The following NCOR1 variants were observed in gnomAD, a reference collection of about 807,000 sequenced individuals.
The protein encoded by NCOR1 is protein phosphatase 1, regulatory subunit 109.
In NCOR1, 63 loss-of-function variants were observed where a neutral mutation model predicts 288.1. The ratio of observed to expected loss-of-function variants is 0.22; its 90% CI spans 0.18 to 0.27. The LOEUF is 0.27. NCOR1 is among the 10% of genes least tolerant of loss of function. The pLI, the probability that NCOR1 is intolerant of heterozygous loss-of-function variation, is 1.00. For synonymous variants in NCOR1, 1,007 were observed against 1,065.9 expected, an observed-to-expected ratio of 0.94 and a Z score of 1.08; for missense variants, 2,397 against 3,019.2, an observed-to-expected ratio of 0.79 and a Z score of 4.83.
intron 44 of NCOR1, among the ~76,000 whole-genome samples, chr17:16,035,600 A>G (rs1032536403): frequency 3.3e-5 from 5 of 150,236 alleles, no homozygotes; most frequent in African/African-American, 1.2e-4. Flanking sequence ...CAGTGGCACA[A>G]TCACGGCTTA....
intron 42 of NCOR1, among the ~76,000 whole-genome samples, chr17:16,042,826 A>T (rs1452085167): frequency 6.6e-6 from 1 of 152,224 alleles, no homozygotes; most frequent in Non-Finnish European, 1.5e-5. Flanking sequence ...AGGAGCCAGT[A>T]AGTTAGTCAA....
intron 3 of NCOR1, among the ~76,000 whole-genome samples, chr17:16,176,588 A>G (rs1021614314): frequency 6.6e-6 from 1 of 150,586 alleles, no homozygotes; most frequent in Non-Finnish European, 1.5e-5. Flanking sequence ...TTTAGATGCT[A>G]TAATTGCTCA....
At chr17:16,212,315 T>G (rs1472205303) in intron 1 of NCOR1, among the ~76,000 whole-genome samples, 2 of 152,124 alleles carry the variant, frequency 1.3e-5, no homozygotes, top group African/African-American at 4.8e-5. Context: ...CTGAGTTATT[T>G]GTGAATATAA....
intron 5 of NCOR1, among the ~76,000 whole-genome samples, chr17:16,163,221 A>G (rs2081243675): frequency 6.6e-6 from 1 of 152,194 alleles, no homozygotes; most frequent in South Asian, 2.1e-4. Flanking sequence ...TACTACCAGG[A>G]AAGTGAAAAG....
intron 42 of NCOR1, among the ~76,000 whole-genome samples, chr17:16,042,003 G>A (rs890536608): frequency 1.3e-5 from 2 of 152,112 alleles, no homozygotes; most frequent in Non-Finnish European, 2.9e-5. Context: ...CAAAGTGCTG[G>A]GATTACAGGT....
At chr17:16,059,118 G>A (rs1396900165) in intron 37 of NCOR1, among the ~76,000 whole-genome samples, 1 of 144,642 alleles carries the variant, frequency 6.9e-6, no homozygotes, top group Non-Finnish European at 1.5e-5. Context: ...GAATGAGGCA[G>A]AACAGAGAAC....
chr17:16,127,178 T>C lies in NCOR1; in HGVS notation c.1510-972A>G, dbSNP rs1459705971. Among the ~76,000 whole-genome samples the C allele has an allele frequency of 2.8e-5, 4 of 143,972 alleles. No individual in the cohort carries two copies. The East Asian group carries it at 7.8e-4, about 28-fold the overall frequency. The allele number at this position is 143,972 out of a possible 152,430, so 94.5% of individuals were successfully genotyped here. ...CTGTATGTATATATACATGTATGTA[T>C]ATATCTGTATGTATATATACATGTA... On this transcript the variant is annotated intron_variant, in intron 14 of 45. Transcript: ENST00000268712.
At chr17:16,101,068 T>TA (rs1267339747) in intron 20 of NCOR1, among the ~76,000 whole-genome samples, 182 bp downstream of exon 20, 18 of 152,244 alleles carry the variant, frequency 1.2e-4, no homozygotes, top group Non-Finnish European at 1.9e-4. Flanking sequence ...TTCATTAAAA[T>TA]GATCATACAA....
At chr17:16,082,232 G>C (rs1351658087) in intron 23 of NCOR1, among the ~76,000 whole-genome samples, 1 of 152,130 alleles carries the variant, frequency 6.6e-6, no homozygotes, top group East Asian at 1.9e-4. Flanking sequence ...AAGTTCCAGA[G>C]TTGCTACATT....
At chr17:16,074,305 T>C (rs1249118964) in intron 27 of NCOR1, among the ~76,000 whole-genome samples, 2 of 152,198 alleles carry the variant, frequency 1.3e-5, no homozygotes, top group East Asian at 1.9e-4. Flanking sequence ...ACTTTGAATA[T>C]GGGTGAGACT....
chr17:16,061,266 A>C, intron 37 of NCOR1, 135 bp downstream of exon 37: 1 of 1,089,314 alleles, frequency 9.2e-7, no homozygotes, highest in Non-Finnish European at 1.3e-6. Flanking sequence ...TAAAAACAGC[A>C]GAAGATACAT....
At chr17:16,032,949 A>T (rs527293998) in intron 45 of NCOR1, among the ~76,000 whole-genome samples, 1 of 152,334 alleles carries the variant, frequency 6.6e-6, no homozygotes, top group African/African-American at 2.4e-5. Context: ...GGCAGATTTT[A>T]AAGTCTACAA....
chr17:16,068,861 G>A (rs549306837), intron 31 of NCOR1, among the ~76,000 whole-genome samples: 18 of 151,848 alleles, frequency 1.2e-4, no homozygotes, highest in East Asian at 5.8e-4. Context: ...CTACAGGAGC[G>A]CGCCACCATG....
chr17:16,145,944 T>C (rs1026945997), intron 10 of NCOR1, among the ~76,000 whole-genome samples: 9 of 152,204 alleles, frequency 5.9e-5, no homozygotes, highest in Non-Finnish European at 1.2e-4. Context: ...CATTTTGTTC[T>C]GTACTAAGAA....
At chr17:16,039,391 T>C (rs893762117) in intron 44 of NCOR1, 42 bp downstream of exon 44, 5 of 1,585,106 alleles carry the variant, frequency 3.2e-6, no homozygotes, top group Admixed American at 3.4e-5. Context: ...ACTGGCTTTT[T>C]TGGGGAAAAG....
intron 27 of NCOR1, 55 bp downstream of exon 27, chr17:16,075,479 T>G: frequency 1.3e-6 from 2 of 1,571,078 alleles, no homozygotes; most frequent in Admixed American, 3.5e-5. Flanking sequence ...AACCCAAGCC[T>G]ATGTTTTTAG....
chr17:16,080,197 T>C, intron 25 of NCOR1, 133 bp from the exon 26 acceptor site: 2 of 832,634 alleles, frequency 2.4e-6, no homozygotes, highest in East Asian at 2.7e-5. Context: ...ATCATGTTTG[T>C]TTTATTAAAA....
intron 1 of NCOR1, 109 bp downstream of exon 1, chr17:16,215,253 C>A (rs1267405569): frequency 5.2e-6 from 2 of 386,420 alleles, no homozygotes; most frequent in African/African-American, 2.1e-5. Context: ...GCGACACCCC[C>A]CGCCCGGCGG....
intron 14 of NCOR1, among the ~76,000 whole-genome samples, chr17:16,128,652 C>G (rs913524835): frequency 1.3e-5 from 2 of 152,206 alleles, no homozygotes; most frequent in African/African-American, 4.8e-5. Context: ...TAATGTCAAT[C>G]TTGCCTCATA....
Sources: allele counts gnomAD v4.1 joint callset (sites outside exome capture counted in the v4.1 genomes callset), GRCh38; gene constraint gnomAD v4.1.1; transcripts MANE v1.5; gene names NCBI Gene and HGNC (gene_info 2026-07-23, HGNC 2026-07-21).